Variants in PAN3 observed in about 807,000 individuals in gnomAD.
PAN3 encodes PAN2-PAN3 deadenylation complex subunit PAN3.
PAN3 carries 19 observed loss-of-function variants against 96.2 expected under a neutral mutation model. That is an observed-to-expected ratio of 0.20 (90% confidence interval 0.14 to 0.29). The LOEUF is 0.29. Among genes scored for constraint, PAN3 ranks in the 10% least tolerant of loss-of-function variants. PAN3 has a pLI of 1.00. For missense variants in PAN3, 882 were observed against 1,108.1 expected (o/e 0.80, Z 2.90); for synonymous variants, 433 against 406.6 (o/e 1.06, Z -0.78).
chr13:28,163,803 T>C (rs1431754318), intron 1 of PAN3, among the ~76,000 whole-genome samples: 1 of 152,228 alleles, frequency 6.6e-6, no homozygotes, highest in Non-Finnish European at 1.5e-5. Context: ...TATACTTTTA[T>C]TACTTTACGC....
At chr13:28,289,283 G>C (rs1869395423) in intron 18 of PAN3, among the ~76,000 whole-genome samples, 1 of 151,850 alleles carries the variant, frequency 6.6e-6, no homozygotes, top group Non-Finnish European at 1.5e-5. Flanking sequence ...GGTGAGGTGA[G>C]CTTTTTTTTG....
chr13:28,235,117 T>C (rs1882958420), intron 6 of PAN3, among the ~76,000 whole-genome samples: 1 of 152,210 alleles, frequency 6.6e-6, no homozygotes, highest in Non-Finnish European at 1.5e-5. Context: ...GGCCTTTTAC[T>C]GACATTCCCC....
chr13:28,157,454 A>G (rs1475894509), intron 1 of PAN3, among the ~76,000 whole-genome samples: 1 of 152,214 alleles, frequency 6.6e-6, no homozygotes, highest in Admixed American at 6.5e-5. Flanking sequence ...TTATACCTAG[A>G]AAACCTCGTC....
At chr13:28,147,739 A>G (rs1180495176) in intron 1 of PAN3, among the ~76,000 whole-genome samples, 2 of 152,206 alleles carry the variant, frequency 1.3e-5, no homozygotes, top group African/African-American at 4.8e-5. Flanking sequence ...CATTTTTCAC[A>G]TCATCATAAA....
intron 5 of PAN3, among the ~76,000 whole-genome samples, chr13:28,210,481 A>G (rs1201538884): frequency 6.6e-6 from 1 of 152,214 alleles, no homozygotes; most frequent in Non-Finnish European, 1.5e-5. Flanking sequence ...TATCTGATTT[A>G]GAAAATTATA....
At chr13:28,188,557 G>A (rs886652455) in intron 4 of PAN3, among the ~76,000 whole-genome samples, 1 of 151,712 alleles carries the variant, frequency 6.6e-6, no homozygotes, top group Admixed American at 6.6e-5. Context: ...GCTATAGTTG[G>A]GCCACTGCAC....
At position 28,139,133 on chromosome 13, in the gene PAN3, C is replaced by T; in HGVS notation, c.430+46C>T. 3.9e-6 allele frequency: 5 copies of T among 1,268,746 alleles called. No individual in the cohort carries two copies. The South Asian group carries it at 1.1e-4, about 28-fold the overall frequency. The allele number at this position is 1,268,746 out of a possible 1,614,324, so 78.6% of individuals were successfully genotyped here. Reference sequence around the variant, plus strand: ...GCGGGCCGCGGCGGCGGAGGGCAGGCCTGGGCCGGATGAGGCCCTGCTGCC... The same window carrying T: ...GCGGGCCGCGGCGGCGGAGGGCAGGTCTGGGCCGGATGAGGCCCTGCTGCC... On this transcript the variant is annotated intron_variant, in intron 1 of 18. Coordinates refer to ENST00000380958, the MANE Select transcript of PAN3 (RefSeq NM_175854.8).
chr13:28,278,228 C>T (rs1341380040), intron 15 of PAN3, among the ~76,000 whole-genome samples: 1 of 152,204 alleles, frequency 6.6e-6, no homozygotes, highest in Non-Finnish European at 1.5e-5. Flanking sequence ...GATTGCCCAC[C>T]TGTTCTTTGT....
intron 14 of PAN3, among the ~76,000 whole-genome samples, chr13:28,276,128 T>C (rs1887037454): frequency 6.6e-6 from 1 of 152,112 alleles, no homozygotes; most frequent in Non-Finnish European, 1.5e-5. Context: ...CTTAGAAAAA[T>C]ACCAATACCT....
At chr13:28,258,065 C>T (rs925615095) in intron 7 of PAN3, among the ~76,000 whole-genome samples, 1 of 151,974 alleles carries the variant, frequency 6.6e-6, no homozygotes. Context: ...ATGATCCGCC[C>T]ACCTTGGCCT....
chr13:28,153,085 G>GA (rs1460803159), intron 1 of PAN3, among the ~76,000 whole-genome samples: 1 of 152,104 alleles, frequency 6.6e-6, no homozygotes, highest in African/African-American at 2.4e-5. Flanking sequence ...GGGAAAAGTT[G>GA]AAAATAGTGA....
chr13:28,197,220 G>A lies in PAN3; in HGVS notation c.726G>A (p.Arg242=). ...RKYRLGMLEE[R]LVPMGSKARK... Reference sequence around the variant, plus strand: ...ATCGCCTGGGGATGCTGGAGGAGAGGCTAGTTCCGATGGGATCAAAGGCAC... The same window carrying A: ...ATCGCCTGGGGATGCTGGAGGAGAGACTAGTTCCGATGGGATCAAAGGCAC... The change falls in exon 5 of 19, where the codon AGG becomes AGA. Residue 242 remains arginine, a synonymous_variant. Coordinates refer to ENST00000380958, the MANE Select transcript of PAN3 (RefSeq NM_175854.8). 1 of 1,613,486 alleles carries A rather than the reference G, an allele frequency of 6.2e-7. No homozygotes were observed. The highest frequency in any genetic ancestry group is 2.2e-5 in the East Asian group (1 of 44,854).
At chr13:28,204,088 C>T (rs965674292) in intron 5 of PAN3, among the ~76,000 whole-genome samples, 4 of 152,126 alleles carry the variant, frequency 2.6e-5, no homozygotes, top group African/African-American at 9.7e-5. Flanking sequence ...GGATTACAGG[C>T]GTGAGCGACC....
At chr13:28,193,245 T>C (rs982671958) in intron 4 of PAN3, among the ~76,000 whole-genome samples, 2 of 152,210 alleles carry the variant, frequency 1.3e-5, no homozygotes, top group Non-Finnish European at 2.9e-5. Flanking sequence ...GTTTAATCTC[T>C]GGCTATTTAT....
At chr13:28,194,466 A>ATATTTTTTT (rs1429166016) in intron 4 of PAN3, among the ~76,000 whole-genome samples, 1 of 122,132 alleles carries the variant, frequency 8.2e-6, no homozygotes, top group Non-Finnish European at 1.6e-5. Context: ...ATATATATAT[A>ATATTTTTTT]TTTTTTTTTT....
At chr13:28,150,411 G>A (rs1871219688) in intron 1 of PAN3, among the ~76,000 whole-genome samples, 2 of 152,126 alleles carry the variant, frequency 1.3e-5, no homozygotes, top group African/African-American at 4.8e-5. Context: ...AGATCATGAG[G>A]TCAGGAGATC....
intron 1 of PAN3, among the ~76,000 whole-genome samples, chr13:28,161,047 A>T (rs1006115131): frequency 6.6e-6 from 1 of 152,248 alleles, no homozygotes; most frequent in South Asian, 2.1e-4. Context: ...TTACTAAGCA[A>T]GCAATTTTTA....
intron 14 of PAN3, among the ~76,000 whole-genome samples, chr13:28,273,858 G>A (rs976709888): frequency 6.6e-6 from 1 of 152,088 alleles, no homozygotes; most frequent in Non-Finnish European, 1.5e-5. Flanking sequence ...AACTTATTTT[G>A]TTTAAAGTTT....
intron 17 of PAN3, among the ~76,000 whole-genome samples, chr13:28,285,943 A>G (rs575298690): frequency 2.0e-5 from 3 of 152,242 alleles, no homozygotes; most frequent in Admixed American, 1.3e-4. Context: ...GCAGTATCTC[A>G]TAGGAAACAA....
Sources: gnomAD v4.1 joint callset for allele counts (sites outside exome capture counted in the v4.1 genomes callset) on GRCh38, gnomAD v4.1.1 for gene constraint, MANE v1.5 for transcripts, NCBI Gene and HGNC (gene_info 2026-07-23, HGNC 2026-07-21) for gene names.